Variants in SEC31A observed in about 807,000 individuals in gnomAD.
SEC31A encodes the protein SEC31 homolog A, COPII component.
Under a neutral mutation model 151.0 loss-of-function variants are expected in SEC31A, and 70 were observed. The ratio of observed to expected loss-of-function variants is 0.46; its 90% CI spans 0.38 to 0.57. The LOEUF is 0.57. SEC31A is among the 20% of genes least tolerant of loss of function. The pLI is 0.00. For synonymous variants in SEC31A, 475 were observed against 505.9 expected, an observed-to-expected ratio of 0.94 and a Z score of 0.82; for missense variants, 1,330 against 1,471.2, an observed-to-expected ratio of 0.90 and a Z score of 1.57.
intron 6 of SEC31A, among the ~76,000 whole-genome samples, chr4:82,872,562 G>C (rs1331718719): frequency 2.2e-4 from 34 of 152,124 alleles, no homozygotes; most frequent in Non-Finnish European, 2.9e-5. Flanking sequence ...TTAAACAGTA[G>C]TCTTAAAAGT....
At chr4:82,850,456 A>G (rs991237192) in intron 19 of SEC31A, among the ~76,000 whole-genome samples, 5 of 152,190 alleles carry the variant, frequency 3.3e-5, no homozygotes, top group African/African-American at 1.2e-4. Context: ...AGTCCTGGAG[A>G]ATATTATGTA....
chr4:82,886,288 C>T (rs1740691815), intron 1 of SEC31A, among the ~76,000 whole-genome samples: 1 of 152,156 alleles, frequency 6.6e-6, no homozygotes, highest in South Asian at 2.1e-4. Flanking sequence ...GGAGTTAATC[C>T]TCAATTTAAC....
chr4:82,862,687 G>A (rs1708589114), intron 12 of SEC31A, 115 bp from the exon 13 acceptor site: 5 of 824,624 alleles, frequency 6.1e-6, no homozygotes, highest in Middle Eastern at 4.5e-4. Flanking sequence ...TATAGGAATA[G>A]TATGTTTAAA....
intron 6 of SEC31A, 136 bp downstream of exon 6, chr4:82,874,475 T>G: frequency 6.2e-6 from 5 of 807,556 alleles, no homozygotes; most frequent in Non-Finnish European, 9.3e-6. Flanking sequence ...AAAACATTCC[T>G]TCTAACATGA....
intron 20 of SEC31A, among the ~76,000 whole-genome samples, chr4:82,847,949 A>T (rs1397757070): frequency 6.6e-6 from 1 of 152,022 alleles, no homozygotes; most frequent in Non-Finnish European, 1.5e-5. Flanking sequence ...AAGGGCATTA[A>T]TTTTTTTTGT....
intron 22 of SEC31A, among the ~76,000 whole-genome samples, chr4:82,834,108 T>C (rs1200451067): frequency 6.6e-6 from 1 of 152,224 alleles, no homozygotes; most frequent in Non-Finnish European, 1.5e-5. Context: ...TAGCTCTCCA[T>C]GTGAGATATG....
At chr4:82,878,954 T>C (rs753823311) in intron 3 of SEC31A, 26 bp from the exon 4 acceptor site, 4 of 1,557,564 alleles carry the variant, frequency 2.6e-6, no homozygotes, top group Non-Finnish European at 3.5e-6. Context: ...AATAAAATCA[T>C]TCATTCTTAA....
chr4:82,831,918 C>T (rs530286579), intron 22 of SEC31A, among the ~76,000 whole-genome samples: 5 of 152,270 alleles, frequency 3.3e-5, no homozygotes, highest in Admixed American at 3.3e-4. Flanking sequence ...AGAGAGGACA[C>T]AAATGGAAAA....
intron 6 of SEC31A, among the ~76,000 whole-genome samples, 182 bp from the exon 7 acceptor site, chr4:82,872,268 A>T (rs976189894): frequency 2.0e-5 from 3 of 151,876 alleles, no homozygotes. Context: ...GCTCACTGCA[A>T]CCTCCACCTC....
At chr4:82,851,972 T>G (rs1731546204) in intron 18 of SEC31A, among the ~76,000 whole-genome samples, 1 of 152,230 alleles carries the variant, frequency 6.6e-6, no homozygotes, top group Non-Finnish European at 1.5e-5. Flanking sequence ...AAATATCTGA[T>G]ATGGTTTGGT....
rs138866642 is a variant in SEC31A at position 82,854,926 on chromosome 4, G to A, written c.1985C>T (p.Pro662Leu). The change falls in exon 17 of 27, where the codon CCG becomes CTG. Residue 662 changes from proline (P) to leucine (L), a missense_variant. Coordinates refer to ENST00000395310, the MANE Select transcript of SEC31A (RefSeq NM_001077207.4). ...ACCACAAAGGGCTGAAAATTCATCCGGCTTTGCATAAGTCAATACTGCAGC... is the reference window on the plus strand; with the variant it reads ...ACCACAAAGGGCTGAAAATTCATCCAGCTTTGCATAAGTCAATACTGCAGC... Reference protein sequence around the residue: ...ALAAVLTYAKPDEFSALCDLL... With the variant: ...ALAAVLTYAKLDEFSALCDLL... 3.1e-5 allele frequency: 50 copies of A among 1,612,394 alleles called. No individual in the cohort carries two copies. Among genetic ancestry groups the A allele is most frequent in the African/African-American group, 1.3e-4 (10 of 74,782 alleles).
At chr4:82,846,902 A>G (rs1430940319) in intron 20 of SEC31A, among the ~76,000 whole-genome samples, 1 of 152,118 alleles carries the variant, frequency 6.6e-6, no homozygotes, top group African/African-American at 2.4e-5. Context: ...TTTAGTAGAG[A>G]CAGGGTTTCA....
At chr4:82,855,493 G>A (rs541139261) in intron 16 of SEC31A, among the ~76,000 whole-genome samples, 2 of 152,328 alleles carry the variant, frequency 1.3e-5, no homozygotes, top group South Asian at 2.1e-4. Context: ...AAAGATAACC[G>A]AGGAGAGACT....
intron 24 of SEC31A, among the ~76,000 whole-genome samples, chr4:82,825,911 T>C (rs568420910): frequency 6.6e-6 from 1 of 152,296 alleles, no homozygotes; most frequent in East Asian, 1.9e-4. Context: ...TGCATAAAGA[T>C]GATCCCCAGG....
At chr4:82,900,154 T>C (rs926820385) in exon 2 of SEC31A, 2 of 152,420 alleles carry the variant, frequency 1.3e-5, no homozygotes, top group African/African-American at 4.8e-5. Context: ...ATTTGACTCC[T>C]GCTCCTCCGG....
chr4:82,846,010 G>GTTT (rs1204677318), intron 20 of SEC31A, among the ~76,000 whole-genome samples: 2 of 151,792 alleles, frequency 1.3e-5, no homozygotes, highest in Non-Finnish European at 2.9e-5. Flanking sequence ...TTGTTTGTTT[G>GTTT]TTTTTCCGAG....
chr4:82,870,569 A>C (rs2149600448), intron 7 of SEC31A, 145 bp from the exon 8 acceptor site: 1 of 640,108 alleles, frequency 1.6e-6, no homozygotes, highest in Non-Finnish European at 2.7e-6. Flanking sequence ...GCATTGGCTC[A>C]CACCTGTAAT....
chr4:82,823,555 T>C (rs947922067), intron 25 of SEC31A, among the ~76,000 whole-genome samples: 1 of 152,248 alleles, frequency 6.6e-6, no homozygotes, highest in African/African-American at 2.4e-5. Context: ...AAGATGTTTT[T>C]TCATGCAGAC....
chr4:82,878,705 A>C (rs1193819738), intron 4 of SEC31A, 25 bp downstream of exon 4: 1 of 1,582,920 alleles, frequency 6.3e-7, no homozygotes. Context: ...ATAGTCTAAG[A>C]ATTATGAAAT....
Sources: gnomAD v4.1 joint callset for allele counts (sites outside exome capture counted in the v4.1 genomes callset) on GRCh38, gnomAD v4.1.1 for gene constraint, MANE v1.5 for transcripts, NCBI Gene and HGNC (gene_info 2026-07-23, HGNC 2026-07-21) for gene names.